PCDH15: variants seen among roughly 807,000 people sequenced by gnomAD.
PCDH15 encodes the protein protocadherin related 15.
PCDH15 carries 129 observed loss-of-function variants against 178.5 expected under a neutral mutation model. The ratio of observed to expected loss-of-function variants is 0.72; its 90% confidence interval spans 0.63 to 0.84. PCDH15 has a LOEUF of 0.84. Among genes scored for constraint, PCDH15 ranks in the 40% least tolerant of loss-of-function variants. The pLI, the probability that PCDH15 is intolerant of heterozygous loss-of-function variation, is 0.00. For missense variants in PCDH15, 2,230 were observed against 2,099.9 expected, an observed-to-expected ratio of 1.06 and a Z score of -1.21; for synonymous variants, 800 against 732.0, an observed-to-expected ratio of 1.09 and a Z score of -1.50.
chr10:54,140,099 T>C lies in PCDH15; in HGVS notation c.1785-7092A>G, dbSNP rs554062578. ...AAATATCCTTTAAAACTTGATAAAA[T>C]AGGAATGCTTTGGCTAATTAGCATT... On this transcript the variant is annotated intron_variant, in intron 14 of 37. Coordinates refer to ENST00000644397, the MANE Select transcript of PCDH15 (RefSeq NM_001384140.1). 1.9e-4 allele frequency among the ~76,000 whole-genome samples: 29 copies of C among 152,252 alleles called. 1 individual carries two copies. The highest frequency in any genetic ancestry group is 3.8e-4 in the Non-Finnish European group (26 of 68,006).
intron 3 of PCDH15, among the ~76,000 whole-genome samples, chr10:54,382,139 C>T (rs771456810): frequency 6.6e-6 from 1 of 152,090 alleles, no homozygotes; most frequent in Non-Finnish European, 1.5e-5. Flanking sequence ...CTTTTACAGC[C>T]TTAAATACTG....
intron 1 of PCDH15, among the ~76,000 whole-genome samples, chr10:55,206,658 T>C (rs1840411166): frequency 6.6e-6 from 1 of 152,130 alleles, no homozygotes; most frequent in African/African-American, 2.4e-5. Context: ...ACTACAACTT[T>C]AGACACATTT....
At chr10:53,984,122 C>CTTTTTTTTT (rs57184119) in intron 21 of PCDH15, among the ~76,000 whole-genome samples, 6 of 112,684 alleles carry the variant, frequency 5.3e-5, no homozygotes, top group African/African-American at 1.8e-4. Flanking sequence ...AAGTGCTTTT[C>CTTTTTTTTT]TTTTTTTTTT....
At chr10:55,588,509 G>A (rs777549557) in intron 2 of PCDH15, among the ~76,000 whole-genome samples, 13 of 152,090 alleles carry the variant, frequency 8.5e-5, no homozygotes, top group Non-Finnish European at 1.6e-4. Flanking sequence ...ACCATGAGAT[G>A]GTGTGTCTTA....
intron 2 of PCDH15, among the ~76,000 whole-genome samples, chr10:54,923,501 C>A (rs1837546193): frequency 7.2e-6 from 1 of 138,160 alleles, no homozygotes; most frequent in African/African-American, 2.5e-5. Context: ...ATCTTTTTCC[C>A]TTTTAAATAC....
intron 2 of PCDH15, among the ~76,000 whole-genome samples, chr10:55,019,963 C>T (rs2131953228): frequency 6.6e-6 from 1 of 151,808 alleles, no homozygotes; most frequent in Admixed American, 6.6e-5. Context: ...GAACCCCCAG[C>T]CAAATCAAGG....
chr10:55,460,139 C>A (rs749814672), intron 2 of PCDH15, among the ~76,000 whole-genome samples: 2 of 151,428 alleles, frequency 1.3e-5, no homozygotes, highest in Non-Finnish European at 2.9e-5. Flanking sequence ...GAGAATGATG[C>A]CACCTGTTAA....
intron 15 of PCDH15, among the ~76,000 whole-genome samples, chr10:54,103,611 T>G (rs1365806330): frequency 6.6e-6 from 1 of 152,168 alleles, no homozygotes; most frequent in Non-Finnish European, 1.5e-5. Flanking sequence ...AAGTGACTAG[T>G]CCACTCCACC....
At chr10:55,249,453 G>T (rs1245604253) in intron 1 of PCDH15, among the ~76,000 whole-genome samples, 1 of 152,058 alleles carries the variant, frequency 6.6e-6, no homozygotes, top group East Asian at 1.9e-4. Flanking sequence ...AAAAGGGAAA[G>T]ACAATACAAA....
chr10:55,329,740 A>G (rs1844144941), intron 2 of PCDH15, among the ~76,000 whole-genome samples: 1 of 151,804 alleles, frequency 6.6e-6, no homozygotes, highest in Non-Finnish European at 1.5e-5. Context: ...GCCAACCAAT[A>G]ATATAGGTTC....
At chr10:54,895,374 A>T (rs1350303347) in intron 3 of PCDH15, among the ~76,000 whole-genome samples, 1 of 152,226 alleles carries the variant, frequency 6.6e-6, no homozygotes, top group African/African-American at 2.4e-5. Context: ...TTTGGAAGTC[A>T]TAGCAATTCT....
intron 2 of PCDH15, among the ~76,000 whole-genome samples, chr10:55,335,407 G>A (rs1222242886): frequency 1.3e-5 from 2 of 151,982 alleles, no homozygotes; most frequent in Non-Finnish European, 2.9e-5. Context: ...TTGGTTAAAC[G>A]TTTACTGATT....
At chr10:53,867,622 A>G (rs2079547760) in intron 26 of PCDH15, among the ~76,000 whole-genome samples, 1 of 152,098 alleles carries the variant, frequency 6.6e-6, no homozygotes, top group Non-Finnish European at 1.5e-5. Flanking sequence ...GTGTGTGCTG[A>G]TCCAAATTGG....
intron 15 of PCDH15, 95 bp downstream of exon 15, chr10:54,132,780 T>G: frequency 6.5e-7 from 1 of 1,528,826 alleles, no homozygotes; most frequent in Non-Finnish European, 8.8e-7. Context: ...CATGTGAGGT[T>G]TCTCCCTCCA....
chr10:54,961,389 G>A (rs1385634402), intron 2 of PCDH15, among the ~76,000 whole-genome samples: 1 of 152,214 alleles, frequency 6.6e-6, no homozygotes, highest in African/African-American at 2.4e-5. Flanking sequence ...TGCTATGGAT[G>A]GCATGTTGAT....
At chr10:55,252,526 C>A (rs1165989772) in intron 1 of PCDH15, among the ~76,000 whole-genome samples, 1 of 152,040 alleles carries the variant, frequency 6.6e-6, no homozygotes, top group Non-Finnish European at 1.5e-5. Context: ...TTTCATCTAT[C>A]CTTAGAAATC....
At chr10:54,671,038 T>C (rs2094657389) in intron 1 of PCDH15, among the ~76,000 whole-genome samples, 1 of 152,090 alleles carries the variant, frequency 6.6e-6, no homozygotes, top group South Asian at 2.1e-4. Flanking sequence ...TCTCACTATT[T>C]GTTAGAAAAG....
chr10:54,500,355 C>G (rs1458192134), intron 3 of PCDH15, among the ~76,000 whole-genome samples: 1 of 152,102 alleles, frequency 6.6e-6, no homozygotes, highest in Admixed American at 6.6e-5. Context: ...CACTCACTAC[C>G]TTGGTGACAA....
intron 2 of PCDH15, among the ~76,000 whole-genome samples, chr10:55,415,773 G>T (rs1838465329): frequency 6.6e-6 from 1 of 151,622 alleles, no homozygotes; most frequent in African/African-American, 2.4e-5. Flanking sequence ...AATGACTTGT[G>T]TTTGGGATTT....
Sources: gnomAD v4.1 joint callset for allele counts (sites outside exome capture counted in the v4.1 genomes callset) on GRCh38, gnomAD v4.1.1 for gene constraint, MANE v1.5 for transcripts, NCBI Gene and HGNC (gene_info 2026-07-23, HGNC 2026-07-21) for gene names.